CLEC5A: variants seen among roughly 807,000 people sequenced by gnomAD.
CLEC5A encodes the protein C-type lectin domain family 5 member A.
In CLEC5A, 15 loss-of-function variants were observed where a neutral mutation model predicts 24.4. That is an observed-to-expected ratio of 0.62 (90% CI 0.41 to 0.95). The LOEUF is 0.95. Among genes scored for constraint, CLEC5A ranks in the 40% least tolerant of loss-of-function variants. CLEC5A has a pLI of 0.00. For synonymous variants in CLEC5A, 71 were observed against 72.6 expected (o/e 0.98, Z 0.11); for missense variants, 211 against 224.0 (o/e 0.94, Z 0.37).
Position 141,940,410 on chromosome 7 carries a change from T to C in CLEC5A, c.208+3486A>G, listed in dbSNP as rs140543809. On this transcript the variant is annotated intron_variant, in intron 4 of 6. Coordinates refer to ENST00000546910, the MANE Select transcript of CLEC5A (RefSeq NM_013252.3). ...AAATGATAATGAAAACACAACATAC[T>C]GAAACCTGTAGGATATTAAGACGGA... Among the ~76,000 whole-genome samples, 657 of 151,312 alleles carry C rather than the reference T, an allele frequency of 4.3e-3. 5 individuals carry two copies. The highest frequency in any genetic ancestry group is 0.015 in the African/African-American group (632 of 41,334).
rs189376961 is a variant in CLEC5A, at chr7:141,936,053, A to T, written c.209-103T>A. On this transcript the variant is annotated intron_variant, in intron 4 of 6. Coordinates refer to ENST00000546910, the MANE Select transcript of CLEC5A (RefSeq NM_013252.3). ...ATACATATTTTTGCTTTGTTTTAAC[A>T]ATTATATTGGTAAAAATTATTCTCC... is the stretch of plus-strand genomic sequence containing the variant. 8.4e-6 allele frequency: 8 copies of T among 955,166 alleles called. No homozygotes were observed. In the East Asian group the frequency reaches 2.0e-4, roughly 24 times the overall value. The allele number at this position is 955,166 out of a possible 1,614,324, so 59.2% of individuals were successfully genotyped here. A position where few individuals can be genotyped will look rare whatever the true frequency, so the allele number is the denominator to read the frequency against.
intron 4 of CLEC5A, among the ~76,000 whole-genome samples, chr7:141,938,453 G>A (rs1554441334): frequency 1.3e-5 from 2 of 150,650 alleles, no homozygotes; most frequent in African/African-American, 5.0e-5. Context: ...AAAGAAAAAA[G>A]AATAAGAAAC....
rs782080398 is a variant in CLEC5A at position 141,942,711 on chromosome 7, G to T, written c.208+1185C>A. ...TATTAATAACCAGAATATATAAGGA[G>T]CCCAAACAACTGTATAGGAAAAAAA... On this transcript the variant is annotated intron_variant, in intron 4 of 6. Coordinates refer to ENST00000546910, the MANE Select transcript of CLEC5A (RefSeq NM_013252.3). Among the ~76,000 whole-genome samples, 21 of 151,932 alleles carry T rather than the reference G, an allele frequency of 1.4e-4. 1 individual carries two copies. Among genetic ancestry groups the T allele is most frequent in the Non-Finnish European group, 2.9e-4 (20 of 67,946 alleles).
At chr7:141,939,928 A>G (rs1340833243) in intron 4 of CLEC5A, among the ~76,000 whole-genome samples, 4 of 152,186 alleles carry the variant, frequency 2.6e-5, no homozygotes, top group Non-Finnish European at 4.4e-5. Flanking sequence ...GCACACCCAG[A>G]TATGTAAGGA....
intron 3 of CLEC5A, among the ~76,000 whole-genome samples, chr7:141,944,249 G>A (rs1308834555): frequency 6.6e-6 from 1 of 152,112 alleles, no homozygotes; most frequent in African/African-American, 2.4e-5. Flanking sequence ...AAGTAATGGA[G>A]GAATTTAGTA....
intron 4 of CLEC5A, among the ~76,000 whole-genome samples, chr7:141,943,122 T>C (rs1358368165): frequency 2.6e-5 from 4 of 152,132 alleles, no homozygotes; most frequent in Non-Finnish European, 4.4e-5. Context: ...ACATCTGCAC[T>C]CCCGTTTTTA....
chr7:141,935,906 A>G lies in CLEC5A; in HGVS notation c.253T>C (p.Leu85=). ...TTCCAAGATGATTCAGAAGTGGATA[A>G]GAAAAAACATCTTGCTTGATAAAAT... ...WEFYQARCFF[L]STSESSWNES... is the part of the protein sequence containing the mutation. Residue 85 remains leucine (L), a synonymous_variant, in exon 5 of 7, where the codon TTA becomes CTA. Transcript: ENST00000546910. 6.2e-7 allele frequency: 1 copy of G among 1,613,176 alleles called. No homozygotes were observed. Among genetic ancestry groups the G allele is most frequent in the Non-Finnish European group, 8.5e-7 (1 of 1,179,072 alleles).
rs111451737 is a variant in CLEC5A at position 141,939,715 on chromosome 7, G to A, written c.209-3765C>T. On this transcript the variant is annotated intron_variant, in intron 4 of 6. Coordinates refer to ENST00000546910, the MANE Select transcript of CLEC5A (RefSeq NM_013252.3). Reference sequence around the variant, plus strand: ...ACACACTCCACCTATAAAGACACATGCAGACTAAAAATGAAGGGATAAAAA... The same window carrying A: ...ACACACTCCACCTATAAAGACACATACAGACTAAAAATGAAGGGATAAAAA... 4.3e-3 allele frequency among the ~76,000 whole-genome samples: 661 copies of A among 152,060 alleles called. 5 individuals are homozygous for A. Among genetic ancestry groups the A allele is most frequent in the African/African-American group, 0.015 (636 of 41,500 alleles).
intron 1 of CLEC5A, 132 bp downstream of exon 1, chr7:141,946,675 C>T (rs1280281060): frequency 5.4e-6 from 1 of 184,350 alleles, no homozygotes; most frequent in Admixed American, 6.0e-5. Context: ...GTAGCCTTCA[C>T]CATACTGACT....
rs1802363432 is a variant in CLEC5A at position 141,928,543 on chromosome 7, T to C, written c.*1561A>G. 1 of 152,138 alleles carries C rather than the reference T, an allele frequency of 6.6e-6. No individual in the cohort carries two copies. The highest frequency in any genetic ancestry group is 2.4e-5 in the African/African-American group (1 of 41,412). 9.4% of individuals were successfully genotyped at this position (152,138 alleles called of 1,614,324 possible). ...GTATCTCCACCGGCTACTAATATAA[T>C]TCCAATTTCCACCCCATCTCAAACA... On this transcript the variant is annotated 3_prime_UTR_variant, in exon 7 of 7. Coordinates refer to ENST00000546910, the MANE Select transcript of CLEC5A (RefSeq NM_013252.3).
chr7:141,932,551 C>T (rs1037854920), intron 5 of CLEC5A, among the ~76,000 whole-genome samples: 8 of 152,192 alleles, frequency 5.3e-5, no homozygotes, highest in Non-Finnish European at 7.3e-5. Flanking sequence ...CTTAGTTTCT[C>T]ACTTTTCAAT....
intron 4 of CLEC5A, among the ~76,000 whole-genome samples, chr7:141,940,816 T>C (rs1338259330): frequency 6.6e-6 from 1 of 151,932 alleles, no homozygotes; most frequent in East Asian, 1.9e-4. Flanking sequence ...TGCCAATAAA[T>C]TGGAAAATCT....
At position 141,935,898 on chromosome 7, in the gene CLEC5A, A is replaced by T. The variant is rs201363921; in HGVS notation, c.261T>A (p.Thr87=). The T allele has an allele frequency of 6.2e-7, 1 of 1,613,030 alleles. No homozygotes were observed. Among genetic ancestry groups the T allele is most frequent in the Non-Finnish European group, 8.5e-7 (1 of 1,178,976 alleles). Residue 87 remains threonine, a synonymous_variant, in exon 5 of 7, where the codon ACT becomes ACA. Transcript: ENST00000546910. ...FYQARCFFLS[T]SESSWNESRD... is the part of the protein sequence containing the mutation. ...TGCTTTCATTCCAAGATGATTCAGA[A>T]GTGGATAAGAAAAAACATCTTGCTT...
chr7:141,927,941 C>A lies in CLEC5A; in HGVS notation c.*2163G>T, dbSNP rs1266925440. 1.3e-5 allele frequency: 2 copies of A among 152,098 alleles called. No homozygotes were observed. The highest frequency in any genetic ancestry group is 4.8e-5 in the African/African-American group (2 of 41,402). 9.4% of individuals were successfully genotyped at this position (152,098 alleles called of 1,614,324 possible). On this transcript the variant is annotated 3_prime_UTR_variant, in exon 7 of 7. Coordinates refer to ENST00000546910, the MANE Select transcript of CLEC5A (RefSeq NM_013252.3). ...TAATTTTTTGAGATAGGTATTACTA[C>A]CCCATTTTATCAGTAAGGAAATTAA...
intron 5 of CLEC5A, among the ~76,000 whole-genome samples, chr7:141,934,403 T>G (rs1275365522): frequency 6.6e-6 from 1 of 152,084 alleles, no homozygotes; most frequent in Non-Finnish European, 1.5e-5. Context: ...TTGGGTGACA[T>G]GAGTACTCAC....
intron 2 of CLEC5A, 124 bp downstream of exon 2, chr7:141,946,090 G>A (rs960690581): frequency 1.8e-5 from 19 of 1,042,902 alleles, no homozygotes; most frequent in South Asian, 3.1e-5. Context: ...CTCAGGTTGG[G>A]TCAGTTAGTC....
At chr7:141,940,693 A>T (rs1802766621) in intron 4 of CLEC5A, among the ~76,000 whole-genome samples, 1 of 152,064 alleles carries the variant, frequency 6.6e-6, no homozygotes, top group East Asian at 1.9e-4. Context: ...GACCAAAAAA[A>T]AAAAAGAGAA....
intron 6 of CLEC5A, among the ~76,000 whole-genome samples, chr7:141,931,169 A>G (rs1185458855): frequency 6.6e-6 from 1 of 152,210 alleles, no homozygotes; most frequent in Non-Finnish European, 1.5e-5. Flanking sequence ...ATATCTGGGG[A>G]AACTTGTATG....
At chr7:141,931,698 A>G in intron 6 of CLEC5A, 22 bp downstream of exon 6, 1 of 1,312,032 alleles carries the variant, frequency 7.6e-7, no homozygotes, top group Non-Finnish European at 1.1e-6. Flanking sequence ...GATCCCCAGG[A>G]AACTGTGGCA....
Sources: allele counts gnomAD v4.1 joint callset (sites outside exome capture counted in the v4.1 genomes callset), GRCh38; gene constraint gnomAD v4.1.1; transcripts MANE v1.5; gene names NCBI Gene and HGNC (gene_info 2026-07-23, HGNC 2026-07-21).